Variants in PMPCB observed in about 807,000 individuals in gnomAD.
PMPCB encodes the protein mitochondrial-processing peptidase subunit beta.
In PMPCB, 46 loss-of-function variants were observed where a neutral mutation model predicts 61.5. The ratio of observed to expected loss-of-function variants is 0.75; its 90% confidence interval spans 0.59 to 0.96. The LOEUF (loss-of-function observed/expected upper bound fraction) is 0.96. PMPCB is among the 40% of genes least tolerant of loss of function. The pLI is 0.00. For missense variants in PMPCB, 590 were observed against 602.4 expected, an observed-to-expected ratio of 0.98 and a Z score of 0.22; for synonymous variants, 191 against 201.6, an observed-to-expected ratio of 0.95 and a Z score of 0.44.
Position 103,300,165 on chromosome 7 carries a change from C to G in PMPCB, c.328-13C>G, listed in dbSNP as rs200940563. 1.2e-6 allele frequency: 2 copies of G among 1,604,764 alleles called. No individual in the cohort carries two copies. Among genetic ancestry groups the G allele is most frequent in the Non-Finnish European group, 1.7e-6 (2 of 1,176,492 alleles). On this transcript the variant is annotated splice_polypyrimidine_tract_variant and intron_variant, in intron 3 of 12. Transcript: ENST00000249269. ...GGAGTTTGCATAATTTGTTTTTCCT[C>G]TTTTATTTCAAGGGCACCAAGAAGA...
At chr7:103,316,936 C>G (rs1489607714), downstream of PMPCB, 1 of 1,614,074 alleles carries the variant, frequency 6.2e-7, no homozygotes, top group Admixed American at 1.7e-5. Context: ...GTTGATTTCT[C>G]TGTGTTCTTA....
chr7:103,302,858 T>C (rs1262382339), intron 4 of PMPCB, among the ~76,000 whole-genome samples: 1 of 152,138 alleles, frequency 6.6e-6, no homozygotes, highest in Non-Finnish European at 1.5e-5. Flanking sequence ...CTGGGCAGCA[T>C]AATGAGACCT....
intron 8 of PMPCB, 67 bp from the exon 9 acceptor site, chr7:103,310,248 C>T (rs1817699492): frequency 8.3e-7 from 1 of 1,200,070 alleles, no homozygotes; most frequent in South Asian, 1.3e-5. Flanking sequence ...TCCACACACT[C>T]CATTTTTCTT....
intron 12 of PMPCB, chr7:103,322,442 T>C: frequency 7.5e-7 from 1 of 1,338,504 alleles, no homozygotes; most frequent in Non-Finnish European, 1.0e-6. Context: ...AAAAAAGATG[T>C]GAAGATTAAA....
chr7:103,301,876 T>C (rs1324649071), intron 4 of PMPCB, among the ~76,000 whole-genome samples: 2 of 152,198 alleles, frequency 1.3e-5, no homozygotes, highest in African/African-American at 2.4e-5. Context: ...TATGTATTCA[T>C]GTGCCGTGTT....
chr7:103,312,130 T>G lies in PMPCB; in HGVS notation c.1404T>G (p.Val468=). The G allele has an allele frequency of 6.2e-7, 1 of 1,614,090 alleles. No homozygotes were observed. Among genetic ancestry groups the G allele is most frequent in the Non-Finnish European group, 8.5e-7 (1 of 1,179,970 alleles). ...IYNRSPAIAA[V]GPIKQLPDFK... ...ATAGGAGTCCAGCTATTGCTGCTGTTGGTAAGCCTGGCTTCTTTTCTTCTA... is the reference window on the plus strand; with the variant it reads ...ATAGGAGTCCAGCTATTGCTGCTGTGGGTAAGCCTGGCTTCTTTTCTTCTA... Residue 468 remains valine (V), a splice_region_variant and synonymous_variant, in exon 12 of 13, where the codon GTT becomes GTG. Transcript: ENST00000249269.
At chr7:103,298,787 C>T (rs1563443407) in intron 2 of PMPCB, 79 bp downstream of exon 2, 79 of 1,383,650 alleles carry the variant, frequency 5.7e-5, no homozygotes, top group Non-Finnish European at 7.3e-5. Context: ...TTAGCTTTTT[C>T]GTTGGCTGGT....
At chr7:103,297,784 C>T in intron 1 of PMPCB, 2 of 1,530,328 alleles carry the variant, frequency 1.3e-6, no homozygotes, top group Non-Finnish European at 1.7e-6. Context: ...CCCTGGTTTT[C>T]GGCTCCTCCC....
downstream of PMPCB, among the ~76,000 whole-genome samples, chr7:103,331,773 T>C (rs1470502707): frequency 2.0e-5 from 3 of 151,986 alleles, no homozygotes; most frequent in Non-Finnish European, 4.4e-5. Context: ...CTTAGGTTGA[T>C]TCCTTATCTT....
At position 103,313,841 on chromosome 7, in the gene PMPCB, G is replaced by A. The variant is rs1458759173; in HGVS notation, c.*1570G>A. 1.1e-5 allele frequency: 11 copies of A among 985,300 alleles called. 1 individual carries two copies. In the South Asian group the frequency reaches 4.2e-4, roughly 38 times the overall value. 61.0% of individuals were successfully genotyped at this position (985,300 alleles called of 1,614,324 possible). On this transcript the variant is annotated 3_prime_UTR_variant, in exon 13 of 13. Coordinates refer to ENST00000249269, the MANE Select transcript of PMPCB (RefSeq NM_004279.3). Reference sequence around the variant, plus strand: ...CCACTTGTGTAGGTAAAAGTAGAATGTTAAGTGGTAGAAAGCTGATTTGGT... The same window carrying A: ...CCACTTGTGTAGGTAAAAGTAGAATATTAAGTGGTAGAAAGCTGATTTGGT...
chr7:103,333,928 A>G (rs534992771), downstream of PMPCB, among the ~76,000 whole-genome samples: 1 of 150,918 alleles, frequency 6.6e-6, no homozygotes, highest in Non-Finnish European at 1.5e-5. Context: ...GTTTCTGGAC[A>G]TTGTGAATAG....
At chr7:103,327,458 G>A in intron 12 of PMPCB, 1 of 730,994 alleles carries the variant, frequency 1.4e-6, no homozygotes, top group South Asian at 1.6e-5. Context: ...AGGTGTTGCT[G>A]ATGCTGCTGG....
chr7:103,315,254 G>A (rs1817984351), downstream of PMPCB, among the ~76,000 whole-genome samples: 1 of 143,894 alleles, frequency 6.9e-6, no homozygotes, highest in Admixed American at 6.7e-5. Context: ...AATTTTAGAG[G>A]AGTAGAAAGA....
At chr7:103,337,234 G>A in the PMPCB span, 1 of 153,068 alleles carries the variant, frequency 6.5e-6, no homozygotes, top group African/African-American at 2.4e-5. Context: ...GAAGACTGGG[G>A]TCCCAACATT....
intron 1 of PMPCB, chr7:103,298,064 G>A (rs1817338815): frequency 4.3e-6 from 2 of 468,580 alleles, no homozygotes; most frequent in Non-Finnish European, 6.3e-6. Flanking sequence ...AAGGCGAATA[G>A]TTTCTGGCCG....
intron 4 of PMPCB, 152 bp downstream of exon 4, chr7:103,300,459 T>C (rs1347488633): frequency 8.1e-6 from 4 of 491,558 alleles, no homozygotes; most frequent in Non-Finnish European, 1.4e-5. Context: ...GCTGATCTTA[T>C]TTTTTTTCTA....
chr7:103,320,798 C>CTA lies in PMPCB; in HGVS notation c.*1432-8129_*1432-8128dup, dbSNP rs1818357638. 3 of 156,740 alleles carry CTA rather than the reference C, an allele frequency of 1.9e-5. No homozygotes were observed. The East Asian group carries it at 5.6e-4, about 29-fold the overall frequency. 9.7% of individuals were successfully genotyped at this position (156,740 alleles called of 1,614,324 possible). The stretch of plus-strand genomic sequence containing the variant: ...ATATATATATATTCTGAAACTGTGT[C>CTA]TATATTCATATCTTCAGTTATCTCA... On this transcript the variant is annotated intron_variant and NMD_transcript_variant, in intron 12 of 12. Coordinates refer to the PMPCB transcript ENST00000444457.
At chr7:103,343,389 T>C in the PMPCB span, among the ~76,000 whole-genome samples, 1 of 152,208 alleles carries the variant, frequency 6.6e-6, no homozygotes, top group Admixed American at 6.5e-5. Flanking sequence ...TGAAAGCAAT[T>C]TTCCAAGCAG....
Position 103,312,525 on chromosome 7 carries a change from G to A in PMPCB, c.*254G>A. The A allele has an allele frequency of 6.3e-7, 1 of 1,591,578 alleles. No homozygotes were observed. Among genetic ancestry groups the A allele is most frequent in the Non-Finnish European group, 8.5e-7 (1 of 1,172,526 alleles). On this transcript the variant is annotated 3_prime_UTR_variant, in exon 13 of 13. Coordinates refer to ENST00000249269, the MANE Select transcript of PMPCB (RefSeq NM_004279.3). ...AATTTTAAGAATGAAAATGTTTACA[G>A]TATTTTCAGTTTTATTATAAAAATG...
Sources: allele counts gnomAD v4.1 joint callset (sites outside exome capture counted in the v4.1 genomes callset), GRCh38; gene constraint gnomAD v4.1.1; transcripts MANE v1.5; gene names NCBI Gene and HGNC (gene_info 2026-07-23, HGNC 2026-07-21).